PTBP3: variants seen among roughly 807,000 people sequenced by gnomAD.
PTBP3 encodes the protein polypyrimidine tract-binding protein 3.
In PTBP3, 20 loss-of-function variants were observed where a neutral mutation model predicts 58.7. The ratio of observed to expected loss-of-function variants is 0.34; its 90% CI spans 0.24 to 0.50. The LOEUF is 0.50. Ranked by LOEUF, PTBP3 falls within the 20% of genes least tolerant of loss-of-function variation. The pLI, the probability that PTBP3 is intolerant of heterozygous loss-of-function variation, is 0.98. For synonymous variants in PTBP3, 185 were observed against 219.8 expected, an observed-to-expected ratio of 0.84 and a Z score of 1.40; for missense variants, 509 against 637.2, an observed-to-expected ratio of 0.80 and a Z score of 2.17.
At chr9:112,361,013 T>A in the PTBP3 span, among the ~76,000 whole-genome samples, 1 of 152,190 alleles carries the variant, frequency 6.6e-6, no homozygotes, top group African/African-American at 2.4e-5. Flanking sequence ...TATTTCAATT[T>A]GATCAGGCAT....
At chr9:112,342,999 A>G in the PTBP3 span, among the ~76,000 whole-genome samples, 2 of 152,174 alleles carry the variant, frequency 1.3e-5, no homozygotes, top group African/African-American at 4.8e-5. Flanking sequence ...AGCATTGCCC[A>G]TATCTTAGTT....
At chr9:112,307,420 C>G (rs980671763) in intron 1 of PTBP3, among the ~76,000 whole-genome samples, 1 of 152,090 alleles carries the variant, frequency 6.6e-6, no homozygotes, top group African/African-American at 2.4e-5. Context: ...CCACTGCACT[C>G]TGGCCTGGGT....
intron 7 of PTBP3, 112 bp downstream of exon 7, chr9:112,250,817 A>C (rs1287595415): frequency 1.8e-6 from 2 of 1,086,042 alleles, no homozygotes; most frequent in Admixed American, 6.0e-5. Flanking sequence ...GCTTTCCTTT[A>C]TAAATCCTGA....
intron 1 of PTBP3, among the ~76,000 whole-genome samples, chr9:112,306,057 G>A (rs1362999568): frequency 6.6e-6 from 1 of 152,224 alleles, no homozygotes; most frequent in African/African-American, 2.4e-5. Context: ...TGCAATTGGT[G>A]TCAGATGTAA....
the PTBP3 span, among the ~76,000 whole-genome samples, chr9:112,366,874 AAGC>A: frequency 2.0e-5 from 3 of 152,144 alleles, no homozygotes; most frequent in Non-Finnish European, 4.4e-5. Context: ...TAGCCTGTGA[AAGC>A]AGCCAGGAGG....
chr9:112,218,180 C>G (rs1022184814), downstream of PTBP3: 3 of 152,228 alleles, frequency 2.0e-5, no homozygotes, highest in Non-Finnish European at 4.4e-5. Context: ...GGGGCAGTGC[C>G]AGAGAAGGTG....
chr9:112,290,262 T>G (rs1828330828), intron 2 of PTBP3, among the ~76,000 whole-genome samples: 1 of 152,128 alleles, frequency 6.6e-6, no homozygotes, highest in African/African-American at 2.4e-5. Context: ...GCCACTTCAT[T>G]AAAAATATCC....
intron 1 of PTBP3, among the ~76,000 whole-genome samples, chr9:112,324,812 A>G (rs1017179628): frequency 2.0e-5 from 3 of 152,158 alleles, no homozygotes; most frequent in Non-Finnish European, 4.4e-5. Flanking sequence ...CCACAAGAAT[A>G]CCTAAAATTA....
chr9:112,293,299 T>C (rs1301668556), intron 2 of PTBP3, among the ~76,000 whole-genome samples: 1 of 152,212 alleles, frequency 6.6e-6, no homozygotes, highest in Non-Finnish European at 1.5e-5. Flanking sequence ...TTGCTCTGGA[T>C]GCTGATTATA....
chr9:112,332,813 G>GGA (rs1343584347), intron 1 of PTBP3: 2 of 1,612,330 alleles, frequency 1.2e-6, no homozygotes, highest in African/African-American at 2.7e-5. Context: ...AGTTTCTTGG[G>GGA]GAGAGAGAAA....
chr9:112,272,907 T>C lies in PTBP3; in HGVS notation c.204+2937A>G, dbSNP rs1158720156. On this transcript the variant is annotated intron_variant, in intron 3 of 13. Transcript: ENST00000374257. ...TAAAACATTTACAATTTATAAAATA[T>C]GCATTTGTTACCAACAAAATTTACT... 2.0e-5 allele frequency: 3 copies of C among 152,346 alleles called. No homozygotes were observed. The East Asian group carries it at 5.8e-4, about 29-fold the overall frequency. The allele number at this position is 152,346 out of a possible 1,614,324, so 9.4% of individuals were successfully genotyped here.
chr9:112,302,580 A>ATTTTTTTT (rs1828984896), intron 1 of PTBP3, among the ~76,000 whole-genome samples: 3 of 79,476 alleles, frequency 3.8e-5, no homozygotes, highest in Admixed American at 1.7e-4. Context: ...TATATTCTTC[A>ATTTTTTTT]TCTTTTTTTT....
At chr9:112,333,158 C>T in intron 1 of PTBP3, 1 of 1,208,230 alleles carries the variant, frequency 8.3e-7, no homozygotes, top group Non-Finnish European at 1.0e-6. Context: ...ACTCGGGGCG[C>T]GGAGGGCGGA....
Position 112,218,579 on chromosome 9 carries a change from G to A in PTBP3, c.*5272C>T, listed in dbSNP as rs1178542215. ...ATGGAATATACTGTAGTGTACAGAA[G>A]CTTGAATTAACCATGCACTACGCAT... On this transcript the variant is annotated 3_prime_UTR_variant, in exon 14 of 14. Transcript: ENST00000374257. 1.3e-5 allele frequency: 2 copies of A among 152,604 alleles called. No homozygotes were observed. Among genetic ancestry groups the A allele is most frequent in the African/African-American group, 4.8e-5 (2 of 41,460 alleles). The allele number at this position is 152,604 out of a possible 1,614,324, so 9.5% of individuals were successfully genotyped here. A position where few individuals can be genotyped will look rare whatever the true frequency, so the allele number is the denominator to read the frequency against.
chr9:112,287,334 GTTTTTTGTTT>G (rs955361613), intron 2 of PTBP3, among the ~76,000 whole-genome samples: 10 of 96,086 alleles, frequency 1.0e-4, no homozygotes, highest in African/African-American at 3.5e-4. Flanking sequence ...TTCTTTTTCA[GTTTTTTGTTT>G]TTTTTTTTTT....
rs1393165534 is a variant in PTBP3 at position 112,234,992 on chromosome 9, C to T, written c.803-95G>A. On this transcript the variant is annotated intron_variant, in intron 7 of 13. Transcript: ENST00000374257. ...TGGCTCTATGAAAGTATATTACTAA[C>T]AAAGAGATTCTGTTACGGAGTAAAG... is the stretch of plus-strand genomic sequence containing the variant. 5.0e-6 allele frequency: 5 copies of T among 999,796 alleles called. No individual in the cohort carries two copies. In the East Asian group the frequency reaches 7.7e-5, roughly 15 times the overall value. The allele number at this position is 999,796 out of a possible 1,614,324, so 61.9% of individuals were successfully genotyped here.
intron 1 of PTBP3, chr9:112,330,473 C>A: frequency 6.6e-7 from 1 of 1,525,846 alleles, no homozygotes; most frequent in Admixed American, 1.9e-5. Context: ...TCTGTAACAA[C>A]ACTGTATGGA....
chr9:112,238,476 A>G (rs374993409), intron 7 of PTBP3, among the ~76,000 whole-genome samples: 1 of 152,220 alleles, frequency 6.6e-6, no homozygotes, highest in East Asian at 1.9e-4. Context: ...AAAGCTCCAG[A>G]AAGGCAGGAG....
chr9:112,282,927 T>C (rs1827940822), intron 2 of PTBP3, among the ~76,000 whole-genome samples: 1 of 152,152 alleles, frequency 6.6e-6, no homozygotes, highest in Non-Finnish European at 1.5e-5. Context: ...TCCCCCATGC[T>C]GTTCTTGTGA....
Sources: gnomAD v4.1 joint callset for allele counts (sites outside exome capture counted in the v4.1 genomes callset) on GRCh38, gnomAD v4.1.1 for gene constraint, MANE v1.5 for transcripts, NCBI Gene and HGNC (gene_info 2026-07-23, HGNC 2026-07-21) for gene names.